The following PLCH1 variants were observed in gnomAD, a reference collection of about 807,000 sequenced individuals.
PLCH1 encodes the protein phospholipase C eta 1.
In PLCH1, 60 loss-of-function variants were observed where a neutral mutation model predicts 126.7. The observed-to-expected ratio is 0.47, with a 90% CI of 0.38 to 0.59. PLCH1 has a LOEUF of 0.59. Among genes scored for constraint, PLCH1 ranks in the 20% least tolerant of loss-of-function variants. The pLI is 0.00. For synonymous variants in PLCH1, 719 were observed against 734.9 expected, an observed-to-expected ratio of 0.98 and a Z score of 0.35; for missense variants, 1,723 against 2,040.0, an observed-to-expected ratio of 0.84 and a Z score of 2.99.
At chr3:155,473,454 T>C (rs971445938) in intron 21 of PLCH1, among the ~76,000 whole-genome samples, 1 of 151,968 alleles carries the variant, frequency 6.6e-6, no homozygotes, top group East Asian at 1.9e-4. Context: ...GAACATTCCA[T>C]GCTCATGGGT....
chr3:155,466,216 G>T (rs1712925400), intron 21 of PLCH1, among the ~76,000 whole-genome samples: 1 of 152,206 alleles, frequency 6.6e-6, no homozygotes, highest in Non-Finnish European at 1.5e-5. Flanking sequence ...ATCTGACCCA[G>T]TGCAGTCATA....
chr3:155,599,469 T>C (rs1733433617), intron 2 of PLCH1, among the ~76,000 whole-genome samples: 1 of 152,102 alleles, frequency 6.6e-6, no homozygotes, highest in African/African-American at 2.4e-5. Flanking sequence ...AATGTATGAT[T>C]CCATGAGCTA....
intron 2 of PLCH1, among the ~76,000 whole-genome samples, chr3:155,604,675 T>C (rs1017142590): frequency 2.6e-5 from 4 of 152,208 alleles, no homozygotes; most frequent in African/African-American, 9.6e-5. Flanking sequence ...GTCTGTTCCA[T>C]GTTTTCCATA....
chr3:155,540,220 A>T (rs1014342905), intron 10 of PLCH1, among the ~76,000 whole-genome samples: 4 of 152,188 alleles, frequency 2.6e-5, no homozygotes, highest in African/African-American at 9.7e-5. Context: ...CTCATCTCTC[A>T]CCTTCTACAA....
rs34200511 is a variant in PLCH1, at chr3:155,628,356, GA to G, written c.80-31979del. ...CCAAAAGTGCCTTCCCTATGCCCAG[GA>G]AAAAAAAAAAAAAAAAAAAATCCTT... On this transcript the variant is annotated intron_variant, in intron 2 of 22. Transcript: ENST00000460012. 2.8e-3 allele frequency among the ~76,000 whole-genome samples: 275 copies of G among 98,148 alleles called. 1 individual carries two copies. Among genetic ancestry groups the G allele is most frequent in the Middle Eastern group, 0.021 (4 of 188 alleles). 64.4% of individuals were successfully genotyped at this position (98,148 alleles called of 152,430 possible). A position where few individuals can be genotyped will look rare whatever the true frequency, so the allele number is the denominator to read the frequency against.
At chr3:155,664,533 A>G (rs1166757070) in intron 2 of PLCH1, among the ~76,000 whole-genome samples, 1 of 152,240 alleles carries the variant, frequency 6.6e-6, no homozygotes, top group East Asian at 1.9e-4. Flanking sequence ...GAGCAAAAGC[A>G]GCGTTAGAAA....
In PLCH1 at chr3:155,606,912, T is replaced by C. The variant is rs552629260; in HGVS notation, c.80-10534A>G. Among the ~76,000 whole-genome samples the C allele has an allele frequency of 1.2e-4, 19 of 152,344 alleles. 1 individual carries two copies. In the South Asian group the frequency reaches 2.5e-3, roughly 20 times the overall value. Reference sequence around the variant, plus strand: ...ACCTTCCAGTTGTGCCTGCTTATTATGCCCTAGAAACTGACTTCTTCCTCA... The same window carrying C: ...ACCTTCCAGTTGTGCCTGCTTATTACGCCCTAGAAACTGACTTCTTCCTCA... On this transcript the variant is annotated intron_variant, in intron 2 of 22. Transcript: ENST00000460012.
In PLCH1 at chr3:155,564,968, G is replaced by T; in HGVS notation, c.1016C>A (p.Ser339Tyr). 1.2e-6 allele frequency: 2 copies of T among 1,614,016 alleles called. No homozygotes were observed. Among genetic ancestry groups the T allele is most frequent in the Non-Finnish European group, 1.7e-6 (2 of 1,179,896 alleles). The change falls in exon 8 of 23, where the codon TCC (serine) becomes TAC (tyrosine). Residue 339 changes from serine to tyrosine, a missense_variant. Ser to Tyr is a moderately radical substitution (Grantham distance 144). Transcript: ENST00000460012. ...YLTGDQLLSQSKVDMYARVLQ... is the reference protein window; with the variant it reads ...YLTGDQLLSQYKVDMYARVLQ... ...CACCCGTGCATACATATCCACTTTG[G>T]ACTGAGAAAGGAGCTGGTCTCCAGT...
intron 8 of PLCH1, 108 bp downstream of exon 8, chr3:155,564,803 CTAAT>C: frequency 1.5e-6 from 1 of 659,562 alleles, no homozygotes; most frequent in Admixed American, 2.4e-5. Flanking sequence ...AAAAGTAGTA[CTAAT>C]TAGTGTGAGA....
rs62286071 is a variant in PLCH1, at chr3:155,566,331, G to A, written c.866-1213C>T. ...TATATACATATATACATATATATAC[G>A]TATATATACACATATATATACATAT... is the stretch of plus-strand genomic sequence containing the variant. On this transcript the variant is annotated intron_variant, in intron 7 of 22. Coordinates refer to ENST00000460012, the MANE Select transcript of PLCH1 (RefSeq NM_014996.4). 6.4e-3 allele frequency among the ~76,000 whole-genome samples: 316 copies of A among 49,148 alleles called. 73 individuals are homozygous for A. The highest frequency in any genetic ancestry group is 0.056 in the African/African-American group (277 of 4,916). The allele number at this position is 49,148 out of a possible 152,430, so 32.2% of individuals were successfully genotyped here. A position where few individuals can be genotyped will look rare whatever the true frequency, so the allele number is the denominator to read the frequency against.
At chr3:155,576,875 T>G (rs75821633) in intron 6 of PLCH1, among the ~76,000 whole-genome samples, 42 of 152,340 alleles carry the variant, frequency 2.8e-4, no homozygotes, top group African/African-American at 9.4e-4. Flanking sequence ...ACAGAGCTAT[T>G]TTCTTAGGAT....
At chr3:155,744,562 G>A (rs368281310) in intron 1 of PLCH1, among the ~76,000 whole-genome samples, 3 of 152,118 alleles carry the variant, frequency 2.0e-5, no homozygotes, top group African/African-American at 4.8e-5. Context: ...CCACCGCAAG[G>A]GACCCGAGAG....
chr3:155,470,682 T>C (rs888896572), intron 21 of PLCH1, among the ~76,000 whole-genome samples: 8 of 151,758 alleles, frequency 5.3e-5, no homozygotes, highest in African/African-American at 1.9e-4. Context: ...GAGAGAAAGG[T>C]CGGGTTACCC....
intron 1 of PLCH1, among the ~76,000 whole-genome samples, chr3:155,729,333 G>A (rs1052235780): frequency 2.6e-5 from 4 of 152,176 alleles, no homozygotes; most frequent in African/African-American, 9.7e-5. Flanking sequence ...GCCTTGTGAT[G>A]CCAATCCAAA....
rs529888769 is a variant in PLCH1 at position 155,620,569 on chromosome 3, CTT to C, written c.80-24193_80-24192del. 6.5e-3 allele frequency among the ~76,000 whole-genome samples: 986 copies of C among 152,226 alleles called. 16 individuals carry two copies. The highest frequency in any genetic ancestry group is 0.022 in the African/African-American group (932 of 41,532). The stretch of plus-strand genomic sequence containing the variant: ...CATGAAGACACAACTGAAAGCAAAA[CTT>C]TTGAGGGTAAAGAAGACAGCCATCA... On this transcript the variant is annotated intron_variant, in intron 2 of 22. Coordinates refer to ENST00000460012, the MANE Select transcript of PLCH1 (RefSeq NM_014996.4).
intron 2 of PLCH1, among the ~76,000 whole-genome samples, chr3:155,683,513 G>T (rs1332594616): frequency 2.6e-5 from 4 of 152,152 alleles, no homozygotes; most frequent in African/African-American, 9.7e-5. Flanking sequence ...GAACACTAAA[G>T]CACACTGAAC....
intron 4 of PLCH1, 72 bp downstream of exon 4, chr3:155,593,869 T>C: frequency 6.8e-7 from 1 of 1,460,352 alleles, no homozygotes. Flanking sequence ...AGTCTAATCC[T>C]TACTTCACAA....
Position 155,504,035 on chromosome 3 carries a change from C to T in PLCH1, c.1704+520G>A, listed in dbSNP as rs913955489. Among the ~76,000 whole-genome samples, 4 of 152,192 alleles carry T rather than the reference C, an allele frequency of 2.6e-5. No homozygotes were observed. In the East Asian group the frequency reaches 5.8e-4, roughly 22 times the overall value. The stretch of plus-strand genomic sequence containing the variant: ...CATCTTTTAATGTTACCTGTTGTGG[C>T]GGGCATATATGGAATCACATAGTCA... On this transcript the variant is annotated intron_variant, in intron 13 of 22. Transcript: ENST00000460012.
Position 155,494,220 on chromosome 3 carries a change from T to C in PLCH1, c.2103A>G (p.Arg701=), listed in dbSNP as rs1175511024. Residue 701 remains arginine, a synonymous_variant, in exon 17 of 23, where the codon CGA becomes CGG. Transcript: ENST00000460012. The part of the protein sequence containing the change: ...LVALNYQSEG[R]MMQLNRAKFK... Reference sequence around the variant, plus strand: ...ATTTGGCTCGGTTTAACTGCATCATTCGTCCTTCAGATTGATAATTCAGTG... The same window carrying C: ...ATTTGGCTCGGTTTAACTGCATCATCCGTCCTTCAGATTGATAATTCAGTG... The C allele has an allele frequency of 6.2e-7, 1 of 1,614,024 alleles. No homozygotes were observed. Among genetic ancestry groups the C allele is most frequent in the African/African-American group, 1.3e-5 (1 of 74,926 alleles).
Sources: allele counts gnomAD v4.1 joint callset (sites outside exome capture counted in the v4.1 genomes callset), GRCh38; gene constraint gnomAD v4.1.1; transcripts MANE v1.5; gene names NCBI Gene and HGNC (gene_info 2026-07-23, HGNC 2026-07-21).